Variants in SP100 observed in about 807,000 individuals in gnomAD.
SP100 encodes SP100 nuclear body protein.
In SP100, 84 loss-of-function variants were observed where a neutral mutation model predicts 130.0. The ratio of observed to expected loss-of-function variants is 0.65; its 90% CI spans 0.54 to 0.77. The LOEUF is 0.77. SP100 is among the 30% of genes least tolerant of loss of function. The pLI is 0.00. For missense variants in SP100, 978 were observed against 1,052.2 expected (o/e 0.93, Z 0.97); for synonymous variants, 331 against 351.7 (o/e 0.94, Z 0.66).
At chr2:230,429,728 G>A (rs949716762) in intron 2 of SP100, among the ~76,000 whole-genome samples, 1 of 151,634 alleles carries the variant, frequency 6.6e-6, no homozygotes, top group Non-Finnish European at 1.5e-5. Flanking sequence ...TCTTCTGCTT[G>A]ATTGAGTCAT....
At chr2:230,486,230 T>C (rs2066085560) in intron 17 of SP100, among the ~76,000 whole-genome samples, 1 of 152,044 alleles carries the variant, frequency 6.6e-6, no homozygotes, top group Non-Finnish European at 1.5e-5. Flanking sequence ...TTTTTTATGT[T>C]CCGGGGTACA....
intron 17 of SP100, among the ~76,000 whole-genome samples, chr2:230,486,533 C>T (rs189097930): frequency 1.3e-5 from 2 of 152,328 alleles, no homozygotes; most frequent in African/African-American, 4.8e-5. Context: ...GCATAGTAGT[C>T]CATGGTGTAG....
At chr2:230,443,215 G>C in intron 3 of SP100, 116 bp downstream of exon 3, 1 of 933,668 alleles carries the variant, frequency 1.1e-6, no homozygotes, top group Non-Finnish European at 1.6e-6. Context: ...TCTCCTATGA[G>C]TGGGGAACTT....
chr2:230,421,543 T>C (rs1204771994), intron 2 of SP100, among the ~76,000 whole-genome samples: 7 of 113,914 alleles, frequency 6.1e-5, no homozygotes, highest in Admixed American at 5.8e-4. Flanking sequence ...TGGGATTCAA[T>C]TGAGAGACAC....
At chr2:230,479,203 TC>T (rs1366406388) in intron 17 of SP100, among the ~76,000 whole-genome samples, 1 of 152,226 alleles carries the variant, frequency 6.6e-6, no homozygotes, top group Non-Finnish European at 1.5e-5. Flanking sequence ...CATTTTATTT[TC>T]AGATTTCCTT....
intron 24 of SP100, among the ~76,000 whole-genome samples, chr2:230,521,849 A>G (rs1248069926): frequency 6.6e-6 from 1 of 152,180 alleles, no homozygotes; most frequent in East Asian, 1.9e-4. Context: ...GCCTAGGAAG[A>G]ACAGCCTTTG....
intron 24 of SP100, among the ~76,000 whole-genome samples, chr2:230,533,974 A>G (rs577485772): frequency 6.6e-6 from 1 of 152,352 alleles, no homozygotes; most frequent in African/African-American, 2.4e-5. Context: ...CAAAATTTTC[A>G]TATGAGAGCT....
At chr2:230,497,413 G>C (rs2066728528) in intron 18 of SP100, among the ~76,000 whole-genome samples, 2 of 145,742 alleles carry the variant, frequency 1.4e-5, no homozygotes, top group African/African-American at 2.5e-5. Context: ...ATGGTGTGAG[G>C]AGGGAAAGAG....
chr2:230,539,233 C>A, intron 24 of SP100, 34 bp from the exon 25 acceptor site: 1 of 1,402,454 alleles, frequency 7.1e-7, no homozygotes, highest in Non-Finnish European at 1.0e-6. Flanking sequence ...AAGGGTCTCA[C>A]TGATCCCGGT....
At position 230,445,838 on chromosome 2, in the gene SP100, T is replaced by C. The variant is rs115757452; in HGVS notation, c.440-981T>C. Among the ~76,000 whole-genome samples, 1,386 of 152,192 alleles carry C rather than the reference T, an allele frequency of 9.1e-3. 21 individuals are homozygous for C. Among genetic ancestry groups the C allele is most frequent in the African/African-American group, 0.031 (1,303 of 41,504 alleles). ...CCAGTGCCCACAACTCACGTCTTAG[T>C]TTCTGGCGCTCCTTGTGCTTGGGTG... is the stretch of plus-strand genomic sequence containing the variant. On this transcript the variant is annotated intron_variant, in intron 4 of 28. Transcript: ENST00000340126.
At chr2:230,430,240 G>A (rs1031023112) in intron 2 of SP100, among the ~76,000 whole-genome samples, 1 of 152,178 alleles carries the variant, frequency 6.6e-6, no homozygotes, top group African/African-American at 2.4e-5. Context: ...TCTGAGGTTG[G>A]GTAAGGCCAC....
At position 230,456,724 on chromosome 2, in the gene SP100, A is replaced by C. The variant is rs1051366244; in HGVS notation, c.821-4538A>C. On this transcript the variant is annotated intron_variant, in intron 8 of 28. Transcript: ENST00000340126. ...TCTGATGCCTTTTTAAATTTCATTC[A>C]TTGTATTTTTCAGCTCCAGAATTTG... Among the ~76,000 whole-genome samples the C allele has an allele frequency of 4.6e-5, 7 of 152,072 alleles. No homozygotes were observed. In the East Asian group the frequency reaches 1.2e-3, roughly 25 times the overall value.
At chr2:230,416,452 T>A in intron 1 of SP100, 124 bp downstream of exon 1, 4 of 788,660 alleles carry the variant, frequency 5.1e-6, no homozygotes, top group Non-Finnish European at 6.1e-6. Context: ...AGGTATGCGA[T>A]GTTATATAAT....
In SP100 at chr2:230,515,703, C is replaced by T; in HGVS notation, c.2094+4537C>T. On this transcript the variant is annotated intron_variant, in intron 24 of 28. Coordinates refer to ENST00000340126, the MANE Select transcript of SP100 (RefSeq NM_001080391.2). The stretch of plus-strand genomic sequence containing the variant: ...ATTTAAGCTGCCTGTACACAACTCA[C>T]TCCTTTTAAAGAAAAAAACTTCAAC... The T allele has an allele frequency of 3.9e-6, 6 of 1,534,992 alleles. 1 individual carries two copies. The South Asian group carries it at 7.9e-5, about 20-fold the overall frequency.
intron 25 of SP100, 123 bp from the exon 26 acceptor site, chr2:230,540,753 A>G (rs1018457779): frequency 1.5e-6 from 2 of 1,294,322 alleles, no homozygotes; most frequent in Non-Finnish European, 2.1e-6. Flanking sequence ...GAGGCCTCCA[A>G]GAGAGAAGTT....
chr2:230,506,822 CACAT>C (rs1690147671), intron 22 of SP100: 1 of 121,102 alleles, frequency 8.3e-6, no homozygotes, highest in Admixed American at 7.9e-5. Flanking sequence ...CACACACACA[CACAT>C]ATTTAACATA....
intron 2 of SP100, among the ~76,000 whole-genome samples, chr2:230,424,203 T>C (rs1336460458): frequency 1.3e-5 from 2 of 152,106 alleles, no homozygotes; most frequent in Non-Finnish European, 1.5e-5. Context: ...AGAAAAGAAT[T>C]TGAAGGCCAG....
intron 21 of SP100, 62 bp from the exon 22 acceptor site, chr2:230,506,241 G>T (rs1468633942): frequency 2.1e-5 from 33 of 1,587,310 alleles, no homozygotes; most frequent in East Asian, 4.5e-5. Context: ...ACCCCAGCAT[G>T]GGGGGAGGCC....
chr2:230,483,431 A>G (rs1615764), intron 17 of SP100, among the ~76,000 whole-genome samples: 24,934 of 152,066 alleles, frequency 0.16, 2,465 homozygotes, highest in Non-Finnish European at 0.23. Context: ...AGAGGTAGAG[A>G]GGGGTTGGGC....
Sources: allele counts gnomAD v4.1 joint callset (sites outside exome capture counted in the v4.1 genomes callset), GRCh38; gene constraint gnomAD v4.1.1; transcripts MANE v1.5; gene names NCBI Gene and HGNC (gene_info 2026-07-23, HGNC 2026-07-21).